Variants in TMEM131 observed in about 807,000 individuals in gnomAD.
The protein encoded by TMEM131 is 2610524E03Rik.
Under a neutral mutation model 211.6 loss-of-function variants are expected in TMEM131, and 66 were observed. That is an observed-to-expected ratio of 0.31 (90% CI 0.26 to 0.38). The LOEUF is 0.38. Ranked by LOEUF, TMEM131 falls within the 10% of genes least tolerant of loss-of-function variation. TMEM131 has a pLI of 1.00. For missense variants in TMEM131, 2,036 were observed against 2,299.3 expected (o/e 0.89, Z 2.34); for synonymous variants, 844 against 841.3 (o/e 1.00, Z -0.06).
chr2:97,932,825 C>T lies in TMEM131; in HGVS notation c.188-5338G>A, dbSNP rs1390267823. 8.1e-5 allele frequency among the ~76,000 whole-genome samples: 12 copies of T among 147,380 alleles called. No individual in the cohort carries two copies. In the East Asian group the frequency reaches 3.1e-3, roughly 38 times the overall value. On this transcript the variant is annotated intron_variant, in intron 1 of 40. Transcript: ENST00000186436. ...CAAAACAGCAGGCCCTAGTCAGGAC[C>T]TATATGATAAACCTAAATAGGCTGA...
At chr2:97,837,363 T>G (rs1312615597) in intron 7 of TMEM131, among the ~76,000 whole-genome samples, 1 of 152,226 alleles carries the variant, frequency 6.6e-6, no homozygotes, top group Admixed American at 6.5e-5. Context: ...TAAGGTAACT[T>G]TGAAAATTTA....
At chr2:97,875,850 C>T (rs777011515) in intron 4 of TMEM131, among the ~76,000 whole-genome samples, 1 of 152,014 alleles carries the variant, frequency 6.6e-6, no homozygotes, top group South Asian at 2.1e-4. Context: ...TAGCAGAAGA[C>T]AAGAAATAAC....
At chr2:97,912,154 T>C (rs1676317030) in intron 2 of TMEM131, among the ~76,000 whole-genome samples, 1 of 152,038 alleles carries the variant, frequency 6.6e-6, no homozygotes, top group African/African-American at 2.4e-5. Context: ...CAAATAAGGA[T>C]TACAACATTA....
intron 3 of TMEM131, among the ~76,000 whole-genome samples, chr2:97,899,193 TTGTC>T (rs1402036280): frequency 6.6e-6 from 1 of 152,150 alleles, no homozygotes; most frequent in East Asian, 1.9e-4. Context: ...AAAGTCTACT[TTGTC>T]TGAGAGTAAC....
At chr2:97,825,389 G>A (rs903854340) in intron 11 of TMEM131, among the ~76,000 whole-genome samples, 1 of 152,216 alleles carries the variant, frequency 6.6e-6, no homozygotes, top group Non-Finnish European at 1.5e-5. Context: ...AGGGACCAGT[G>A]CCCTCAGCAA....
chr2:97,757,903 T>C (rs892193578), intron 40 of TMEM131, among the ~76,000 whole-genome samples: 9 of 152,166 alleles, frequency 5.9e-5, no homozygotes, highest in Non-Finnish European at 1.3e-4. Context: ...GAGGCCGACG[T>C]GGGCGGATCA....
intron 4 of TMEM131, among the ~76,000 whole-genome samples, chr2:97,871,647 C>T (rs1674493139): frequency 6.6e-6 from 1 of 152,332 alleles, no homozygotes; most frequent in East Asian, 1.9e-4. Context: ...GGACCATATT[C>T]CACATCCCTA....
At chr2:97,831,371 C>T (rs932850277) in intron 11 of TMEM131, among the ~76,000 whole-genome samples, 2 of 152,174 alleles carry the variant, frequency 1.3e-5, no homozygotes, top group Non-Finnish European at 2.9e-5. Flanking sequence ...TGATTCACTG[C>T]TGTATTCTCA....
rs141138008 is a variant in TMEM131 at position 97,839,803 on chromosome 2, C to G, written c.723+2012G>C. On this transcript the variant is annotated intron_variant, in intron 7 of 40. Coordinates refer to ENST00000186436, the MANE Select transcript of TMEM131 (RefSeq NM_015348.2). ...ACCCTAGCTGAATTAAAGAGCTCAA[C>G]AGTCACACGTAGCTAGCGGCTACTG... Among the ~76,000 whole-genome samples, 26 of 152,340 alleles carry G rather than the reference C, an allele frequency of 1.7e-4. No individual in the cohort carries two copies. In the East Asian group the frequency reaches 4.2e-3, roughly 25 times the overall value.
At chr2:97,952,095 T>C (rs1453261370) in intron 1 of TMEM131, among the ~76,000 whole-genome samples, 1 of 148,002 alleles carries the variant, frequency 6.8e-6, no homozygotes, top group African/African-American at 2.5e-5. Flanking sequence ...AGGCGGAGGG[T>C]GCAGTGAGCC....
intron 11 of TMEM131, among the ~76,000 whole-genome samples, chr2:97,829,552 A>G (rs9973416): frequency 0.78 from 117,836 of 152,028 alleles, 47,574 homozygotes; most frequent in African/African-American, 0.93. Flanking sequence ...GAATCAGCAG[A>G]ACATGGCGGG....
chr2:97,788,200 A>C (rs1371531590), intron 31 of TMEM131, among the ~76,000 whole-genome samples: 1 of 152,130 alleles, frequency 6.6e-6, no homozygotes, highest in Non-Finnish European at 1.5e-5. Context: ...GCAGGGTACA[A>C]GTGAGAAAGT....
At chr2:97,838,516 C>T (rs1196103030) in intron 7 of TMEM131, among the ~76,000 whole-genome samples, 4 of 140,680 alleles carry the variant, frequency 2.8e-5, no homozygotes, top group Non-Finnish European at 1.5e-5. Context: ...GTGATCTCGG[C>T]TCACTGCAAC....
At chr2:97,788,087 T>C (rs1406018299) in intron 31 of TMEM131, among the ~76,000 whole-genome samples, 4 of 152,178 alleles carry the variant, frequency 2.6e-5, no homozygotes, top group Admixed American at 2.0e-4. Flanking sequence ...CCAGCACTCC[T>C]GTGACGTCCT....
At chr2:97,888,215 C>T (rs1675239645) in intron 3 of TMEM131, 95 bp from the exon 4 acceptor site, 3 of 1,001,542 alleles carry the variant, frequency 3.0e-6, no homozygotes, top group Non-Finnish European at 4.3e-6. Flanking sequence ...CATAACAATG[C>T]CATTTTAAGA....
intron 1 of TMEM131, among the ~76,000 whole-genome samples, chr2:97,985,110 T>TA (rs1359253609): frequency 6.6e-5 from 10 of 152,108 alleles, no homozygotes; most frequent in South Asian, 2.1e-4. Flanking sequence ...TTCCTATTAT[T>TA]AAGAACATCT....
At chr2:97,866,674 G>A (rs1245215144) in intron 4 of TMEM131, among the ~76,000 whole-genome samples, 1 of 152,110 alleles carries the variant, frequency 6.6e-6, no homozygotes, top group Non-Finnish European at 1.5e-5. Context: ...CATCCCGTAA[G>A]TTTTGATATG....
intron 1 of TMEM131, among the ~76,000 whole-genome samples, chr2:97,952,067 G>T (rs1462058332): frequency 1.3e-5 from 2 of 151,852 alleles, no homozygotes; most frequent in East Asian, 3.9e-4. Context: ...TGAGGCAGGA[G>T]AATCGCTTGA....
rs762548435 is a variant in TMEM131, at chr2:97,793,557, CA to C, written c.3387-5del. The C allele has an allele frequency of 3.8e-5, 61 of 1,593,022 alleles. No homozygotes were observed. Among genetic ancestry groups the C allele is most frequent in the Non-Finnish European group, 5.0e-5 (58 of 1,171,666 alleles). On this transcript the variant is annotated splice_polypyrimidine_tract_variant and splice_region_variant and intron_variant, in intron 29 of 40. Coordinates refer to ENST00000186436, the MANE Select transcript of TMEM131 (RefSeq NM_015348.2). ...AATGACCAAAAGAAACAGTGCACTG[CA>C]GGGGTAAAAAAAATTGGAAAATCAG...
Sources: gnomAD v4.1 joint callset for allele counts (sites outside exome capture counted in the v4.1 genomes callset) on GRCh38, gnomAD v4.1.1 for gene constraint, MANE v1.5 for transcripts, NCBI Gene and HGNC (gene_info 2026-07-23, HGNC 2026-07-21) for gene names.